SCOC: variants seen among roughly 807,000 people sequenced by gnomAD.
The protein encoded by SCOC is short coiled-coil protein, also known as short coiled coil protein.
In SCOC, 7 loss-of-function variants were observed where a neutral mutation model predicts 9.9. The observed-to-expected ratio is 0.71, with a 90% confidence interval of 0.40 to 1.33. The LOEUF is 1.33. SCOC is among the 40% of genes most tolerant of loss of function. SCOC has a pLI of 0.01. For synonymous variants in SCOC, 19 were observed against 28.2 expected, an observed-to-expected ratio of 0.67 and a Z score of 1.03; for missense variants, 66 against 89.7, an observed-to-expected ratio of 0.74 and a Z score of 1.07.
intron 1 of SCOC, chr4:140,283,926 G>C (rs933200145): frequency 5.3e-5 from 8 of 152,220 alleles, no homozygotes; most frequent in Non-Finnish European, 1.0e-4. Flanking sequence ...GAATAATGTA[G>C]TGGAATCTAA....
At chr4:140,307,717 T>A (rs1372239411) in intron 1 of SCOC, among the ~76,000 whole-genome samples, 1 of 152,188 alleles carries the variant, frequency 6.6e-6, no homozygotes, top group Non-Finnish European at 1.5e-5. Context: ...CAAGGCCGGA[T>A]GGACACTCAT....
intron 1 of SCOC, among the ~76,000 whole-genome samples, chr4:140,267,534 A>T (rs1730754746): frequency 6.6e-6 from 1 of 152,104 alleles, no homozygotes; most frequent in Non-Finnish European, 1.5e-5. Context: ...CTTTTCTAAG[A>T]TCGGAGGATG....
At chr4:140,371,329 G>A (rs946935957), upstream of SCOC, among the ~76,000 whole-genome samples, 5 of 151,914 alleles carry the variant, frequency 3.3e-5, no homozygotes, top group East Asian at 5.8e-4. Context: ...TTAATGAATC[G>A]TGCTGTTTCT....
At chr4:140,309,124 AG>A (rs1411785577) in intron 1 of SCOC, among the ~76,000 whole-genome samples, 12 of 152,362 alleles carry the variant, frequency 7.9e-5, no homozygotes, top group African/African-American at 2.4e-4. Flanking sequence ...AAGAGCTGAA[AG>A]GGATCATTGA....
intron 1 of SCOC, among the ~76,000 whole-genome samples, chr4:140,315,466 T>C (rs1732289281): frequency 6.6e-6 from 1 of 152,212 alleles, no homozygotes; most frequent in Non-Finnish European, 1.5e-5. Context: ...GGTTCAAATT[T>C]GGTTTTAACT....
chr4:140,266,375 G>A lies in SCOC; in HGVS notation c.-19+8965G>A, dbSNP rs543344978. ...CCTGGAGGCTGGAAGTAGCAGATCA[G>A]GGTGCTAGTATGGTCAGGTTCTGGT... On this transcript the variant is annotated intron_variant, in intron 1 of 4. Coordinates refer to the SCOC transcript ENST00000394205. Among the ~76,000 whole-genome samples, 5 of 152,256 alleles carry A rather than the reference G, an allele frequency of 3.3e-5. No homozygotes were observed. The South Asian group carries it at 8.3e-4, about 25-fold the overall frequency.
chr4:140,299,664 A>G (rs984775733), intron 1 of SCOC, among the ~76,000 whole-genome samples: 1 of 152,178 alleles, frequency 6.6e-6, no homozygotes, highest in African/African-American at 2.4e-5. Context: ...CCCCCATTAG[A>G]ATTGTAACGT....
chr4:140,355,216 T>TATATATATATG (rs1183190638), intron 2 of SCOC, among the ~76,000 whole-genome samples: 291 of 6,812 alleles, frequency 0.043, 2 homozygotes, highest in African/African-American at 0.18. Flanking sequence ...TATTTTTATA[T>TATATATATATG]ATATATATAT....
chr4:140,317,745 T>C (rs1191993786), intron 1 of SCOC, among the ~76,000 whole-genome samples: 1 of 151,400 alleles, frequency 6.6e-6, no homozygotes, highest in East Asian at 1.9e-4. Flanking sequence ...ATATGCACAT[T>C]GTGCAGGTTA....
chr4:140,369,881 T>C (rs1727973448), upstream of SCOC, among the ~76,000 whole-genome samples: 1 of 112,660 alleles, frequency 8.9e-6, no homozygotes, highest in African/African-American at 4.0e-5. Context: ...TTTTTTTTTT[T>C]TTTTTTTTTT....
intron 2 of SCOC, among the ~76,000 whole-genome samples, chr4:140,356,024 G>C (rs1053008281): frequency 6.6e-6 from 1 of 152,118 alleles, no homozygotes; most frequent in East Asian, 1.9e-4. Context: ...GACATCTGTC[G>C]CAACACCACT....
At chr4:140,366,741 T>C in intron 2 of SCOC, 2 of 1,563,936 alleles carry the variant, frequency 1.3e-6, no homozygotes, top group Non-Finnish European at 1.8e-6. Flanking sequence ...GAGTGCAAGG[T>C]CCATCAACCA....
chr4:140,350,860 C>G (rs1052239216), intron 2 of SCOC, among the ~76,000 whole-genome samples: 4 of 152,090 alleles, frequency 2.6e-5, no homozygotes, highest in Non-Finnish European at 5.9e-5. Context: ...CTCTGTTGCC[C>G]ACTTCAAGGA....
chr4:140,320,283 A>G (rs557704790), intron 1 of SCOC, among the ~76,000 whole-genome samples: 2 of 152,326 alleles, frequency 1.3e-5, no homozygotes, highest in Admixed American at 6.5e-5. Context: ...AAGTTACCCT[A>G]TATTGTCTAA....
At chr4:140,299,249 C>T (rs889378781) in intron 1 of SCOC, among the ~76,000 whole-genome samples, 8 of 152,198 alleles carry the variant, frequency 5.3e-5, no homozygotes, top group African/African-American at 1.7e-4. Flanking sequence ...ATCCAGCAAA[C>T]TGAAGAACAC....
At chr4:140,290,229 C>A (rs1731431039) in intron 1 of SCOC, among the ~76,000 whole-genome samples, 1 of 152,228 alleles carries the variant, frequency 6.6e-6, no homozygotes. Context: ...AAATCTTCTG[C>A]CAGCAGCCAT....
At chr4:140,343,697 C>A (rs1281332510) in exon 2 of SCOC, 1 of 1,612,406 alleles carries the variant, frequency 6.2e-7, no homozygotes, top group East Asian at 2.2e-5. Context: ...ATTTCTCTTG[C>A]AGATGACATA....
chr4:140,379,613 C>T lies in SCOC; in HGVS notation c.67C>T (p.Leu23Phe), dbSNP rs770085049. Reference sequence around the variant, plus strand: ...AGTGGAACTGGAGGAAAAAACAAGACTTATTAATCAAGTGTTGGAACTCCA... The same window carrying T: ...AGTGGAACTGGAGGAAAAAACAAGATTTATTAATCAAGTGTTGGAACTCCA... Reference protein sequence around the residue: ...NQVELEEKTRLINQVLELQHT... With the variant: ...NQVELEEKTRFINQVLELQHT... The change falls in exon 3 of 4, where the codon CTT (leucine) becomes TTT (phenylalanine). Residue 23 changes from leucine (L) to phenylalanine (F), a missense_variant. Physicochemically the swap from Leu to Phe is conservative, Grantham distance 22. Transcript: ENST00000608372. 1 of 1,612,786 alleles carries T rather than the reference C, an allele frequency of 6.2e-7. No individual in the cohort carries two copies. Among genetic ancestry groups the T allele is most frequent in the Non-Finnish European group, 8.5e-7 (1 of 1,179,634 alleles).
chr4:140,265,468 G>A (rs924964558), intron 1 of SCOC, among the ~76,000 whole-genome samples: 16 of 152,328 alleles, frequency 1.1e-4, no homozygotes, highest in African/African-American at 3.6e-4. Flanking sequence ...AAATCGGGCA[G>A]CCTCCTGAGC....
Sources: allele counts gnomAD v4.1 joint callset (sites outside exome capture counted in the v4.1 genomes callset), GRCh38; gene constraint gnomAD v4.1.1; transcripts MANE v1.5; gene names NCBI Gene and HGNC (gene_info 2026-07-23, HGNC 2026-07-21).